DMD: variants seen among roughly 807,000 people sequenced by gnomAD.
The protein encoded by DMD is dystrophin, also known as mutant dystrophin.
In DMD, 63 loss-of-function variants were observed where a neutral mutation model predicts 330.1. That is an observed-to-expected ratio of 0.19 (90% CI 0.16 to 0.24). The LOEUF (loss-of-function observed/expected upper bound fraction) is 0.24, where lower values mean the gene tolerates loss of function less well. Ranked by LOEUF, DMD falls within the 10% of genes least tolerant of loss-of-function variation. The pLI is 1.00. For synonymous variants in DMD, 1,223 were observed against 959.8 expected (o/e 1.27, Z -5.07); for missense variants, 3,344 against 2,684.1 (o/e 1.25, Z -5.43).
intron 1 of DMD, among the ~76,000 whole-genome samples, chrX:33,030,821 A>G (rs746588030): frequency 9.0e-5 from 10 of 111,660 alleles, no homozygotes; most frequent in African/African-American, 2.0e-4. Context: ...ATATTTATCT[A>G]TTTTTATGGG....
intron 44 of DMD, among the ~76,000 whole-genome samples, chrX:32,038,105 A>G (rs187438306): frequency 5.9e-4 from 66 of 111,944 alleles, no homozygotes; most frequent in African/African-American, 2.0e-3. Flanking sequence ...AACATAAGAG[A>G]TACAAAGAGG....
In DMD at chrX:32,411,765, G is replaced by A. The variant is rs772752496; in HGVS notation, c.4220C>T (p.Pro1407Leu). The change falls in exon 30 of 79, where the codon CCT becomes CTT. Residue 1407 changes from proline to leucine, a missense_variant. Transcript: ENST00000357033. ...IADKVDAAQM[P>L]QEAQKIQSDL... ...AGATGTACTTGCCTGGGCTTCCTGA[G>A]GCATTTGAGCTGCGTCCACCTTGTC... The A allele has an allele frequency of 1.7e-6, 2 of 1,211,213 alleles. No individual in the cohort carries two copies. The highest frequency in any genetic ancestry group is 2.2e-6 in the Non-Finnish European group (2 of 895,290).
chrX:33,146,894 C>T (rs776005841), intron 1 of DMD, among the ~76,000 whole-genome samples: 4 of 110,759 alleles, frequency 3.6e-5, no homozygotes, highest in South Asian at 7.8e-4. Context: ...TCAATCTCTG[C>T]TCACTGCAAC....
intron 44 of DMD, among the ~76,000 whole-genome samples, chrX:32,080,745 C>T (rs2096385507): frequency 9.0e-6 from 1 of 111,579 alleles, no homozygotes. Flanking sequence ...CTTCAGCTCT[C>T]AGTTTTAGGG....
Position 32,411,895 on chromosome X carries a change from A to C in DMD, c.4090T>G (p.Leu1364Val), listed in dbSNP as rs1252905257. Residue 1364 changes from leucine (L) to valine (V), a missense_variant, in exon 30 of 79, where the codon TTG becomes GTG. By Grantham distance (32) the Leu-to-Val change is conservative. Coordinates refer to ENST00000357033, the MANE Select transcript of DMD (RefSeq NM_004006.3). ...LHEEAVRRQKLLEQSIQSAQE... is the reference protein window; with the variant it reads ...LHEEAVRRQKVLEQSIQSAQE... ...GCAGACTGGATGCTCTGTTCAAGCA[A>C]CTTTTGCCTCCTTACAGCCTAAAAA... 2 of 1,211,179 alleles carry C rather than the reference A, an allele frequency of 1.7e-6. No homozygotes were observed. The highest frequency in any genetic ancestry group is 2.2e-6 in the Non-Finnish European group (2 of 895,221).
intron 43 of DMD, among the ~76,000 whole-genome samples, chrX:32,236,305 A>G (rs1314158236): frequency 1.8e-5 from 2 of 112,394 alleles, no homozygotes; most frequent in South Asian, 3.6e-4. Flanking sequence ...TTGGTAGGAC[A>G]TGCCATCCTC....
intron 12 of DMD, among the ~76,000 whole-genome samples, chrX:32,609,456 A>G (rs1056905022): frequency 9.0e-6 from 1 of 111,016 alleles, no homozygotes; most frequent in African/African-American, 3.3e-5. Context: ...AGCATTCAGT[A>G]TAGTACAAGA....
At chrX:32,287,134 A>T (rs924167807) in intron 43 of DMD, among the ~76,000 whole-genome samples, 1 of 111,643 alleles carries the variant, frequency 9.0e-6, no homozygotes, top group Non-Finnish European at 1.9e-5. Flanking sequence ...ATGAAAATCA[A>T]TTTTTTTATT....
chrX:32,581,451 T>C (rs1470100236), intron 13 of DMD, among the ~76,000 whole-genome samples: 1 of 111,724 alleles, frequency 9.0e-6, no homozygotes. Context: ...TTTTTTTCAA[T>C]TTCAAACAAT....
At chrX:31,183,576 C>A (rs1181900141) in intron 67 of DMD, among the ~76,000 whole-genome samples, 1 of 111,819 alleles carries the variant, frequency 8.9e-6, no homozygotes, top group African/African-American at 3.2e-5. Flanking sequence ...TCATCCCAGA[C>A]AGGACAATGA....
At chrX:31,305,706 G>A (rs1282394899) in intron 62 of DMD, among the ~76,000 whole-genome samples, 1 of 112,041 alleles carries the variant, frequency 8.9e-6, no homozygotes, top group African/African-American at 3.2e-5. Context: ...CTTTCAAACT[G>A]CATTATAACA....
chrX:31,336,999 C>A (rs1279813437), intron 61 of DMD, among the ~76,000 whole-genome samples: 1 of 106,402 alleles, frequency 9.4e-6, no homozygotes, highest in Admixed American at 1.0e-4. Context: ...TCTTGGCTCA[C>A]TGCAACCTCC....
At chrX:31,280,585 G>A (rs1180724407) in intron 62 of DMD, among the ~76,000 whole-genome samples, 1 of 111,871 alleles carries the variant, frequency 8.9e-6, no homozygotes, top group Non-Finnish European at 1.9e-5. Context: ...GCAGTTTACT[G>A]TGTGTAAATT....
chrX:32,785,284 A>T (rs954134928), intron 7 of DMD, among the ~76,000 whole-genome samples: 3 of 110,687 alleles, frequency 2.7e-5, no homozygotes, highest in African/African-American at 9.9e-5. Flanking sequence ...AGTGCTCATA[A>T]TATTAATGTA....
At chrX:31,707,007 T>G (rs928590789) in intron 52 of DMD, among the ~76,000 whole-genome samples, 1 of 111,884 alleles carries the variant, frequency 8.9e-6, no homozygotes, top group African/African-American at 3.2e-5. Context: ...ATAGCTGATA[T>G]AAACTTGCCA....
intron 37 of DMD, 87 bp downstream of exon 37, chrX:32,362,701 G>T: frequency 9.6e-7 from 1 of 1,037,517 alleles, no homozygotes; most frequent in Non-Finnish European, 1.4e-6. Flanking sequence ...CCTTGCTGTG[G>T]GGTCTACTTG....
chrX:33,214,037 C>A (rs5928203), upstream of DMD, among the ~76,000 whole-genome samples: 230 of 81,109 alleles, frequency 2.8e-3, no homozygotes, highest in Non-Finnish European at 4.9e-3. Flanking sequence ...GGTATGTAAC[C>A]TTTTGAGATT....
chrX:33,128,011 C>T (rs2095475688), intron 1 of DMD: 6 of 1,144,717 alleles, frequency 5.2e-6, no homozygotes, highest in Non-Finnish European at 6.9e-6. Context: ...GCATATGGAA[C>T]AGGAGTCATC....
intron 2 of DMD, among the ~76,000 whole-genome samples, chrX:32,926,231 T>C (rs747880732): frequency 8.9e-6 from 1 of 112,113 alleles, no homozygotes; most frequent in African/African-American, 3.2e-5. Flanking sequence ...TCGCTTATTA[T>C]AGGTGGTATC....
Sources: allele counts gnomAD v4.1 joint callset (sites outside exome capture counted in the v4.1 genomes callset), GRCh38; gene constraint gnomAD v4.1.1; transcripts MANE v1.5; gene names NCBI Gene and HGNC (gene_info 2026-07-23, HGNC 2026-07-21).